Variants in ARID1B observed in about 807,000 individuals in gnomAD.
ARID1B encodes the protein AT-rich interaction domain 1B.
In ARID1B, 30 loss-of-function variants were observed where a neutral mutation model predicts 212.3. The observed-to-expected ratio is 0.14, with a 90% confidence interval of 0.11 to 0.19. The LOEUF is 0.19. ARID1B is among the 10% of genes least tolerant of loss of function. ARID1B has a pLI of 1.00. For synonymous variants in ARID1B, 1,402 were observed against 1,301.7 expected, an observed-to-expected ratio of 1.08 and a Z score of -1.66; for missense variants, 2,891 against 3,204.0, an observed-to-expected ratio of 0.90 and a Z score of 2.36.
intron 1 of ARID1B, among the ~76,000 whole-genome samples, chr6:156,790,931 TTATC>T (rs1441445128): frequency 6.6e-6 from 1 of 152,256 alleles, no homozygotes; most frequent in Non-Finnish European, 1.5e-5. Context: ...GTTTTGTGTT[TTATC>T]TTTTATTATG....
intron 9 of ARID1B, among the ~76,000 whole-genome samples, chr6:157,171,384 G>A (rs923714705): frequency 4.6e-5 from 7 of 152,188 alleles, no homozygotes; most frequent in East Asian, 1.9e-4. Context: ...GATTTAACAC[G>A]TCCTTGTAAT....
intron 1 of ARID1B, among the ~76,000 whole-genome samples, chr6:156,798,169 C>G (rs1329234231): frequency 6.6e-6 from 1 of 152,272 alleles, no homozygotes; most frequent in East Asian, 1.9e-4. Flanking sequence ...GAGGGTGGAG[C>G]GCCTGCGCCT....
intron 2 of ARID1B, among the ~76,000 whole-genome samples, chr6:156,853,118 C>T (rs1784689758): frequency 6.6e-6 from 1 of 152,166 alleles, no homozygotes; most frequent in African/African-American, 2.4e-5. Context: ...TCTTACAGTG[C>T]TTAAGGACTG....
intron 5 of ARID1B, among the ~76,000 whole-genome samples, chr6:157,107,553 C>T (rs1235247183): frequency 2.6e-5 from 4 of 152,116 alleles, no homozygotes; most frequent in South Asian, 2.1e-4. Flanking sequence ...CAGTTCTGCA[C>T]CTAAATTGTG....
chr6:156,851,295 T>C (rs1784565766), intron 2 of ARID1B, among the ~76,000 whole-genome samples: 1 of 152,264 alleles, frequency 6.6e-6, no homozygotes, highest in African/African-American at 2.4e-5. Flanking sequence ...CATTCAGTCG[T>C]GAAGGGTTCA....
chr6:156,981,064 A>G (rs957297968), intron 4 of ARID1B, among the ~76,000 whole-genome samples: 2 of 152,192 alleles, frequency 1.3e-5, no homozygotes, highest in Non-Finnish European at 2.9e-5. Context: ...CTTAGCAAAA[A>G]CTGGAAAGGT....
intron 7 of ARID1B, among the ~76,000 whole-genome samples, chr6:157,144,197 C>A (rs2128618575): frequency 6.6e-6 from 1 of 152,282 alleles, no homozygotes; most frequent in East Asian, 1.9e-4. Context: ...GCCCTTGACT[C>A]CCAGTTAAAC....
chr6:156,941,867 A>G (rs1792699057), intron 4 of ARID1B: 1 of 152,248 alleles, frequency 6.6e-6, no homozygotes, highest in Non-Finnish European at 1.5e-5. Flanking sequence ...GTTTGCTTTT[A>G]AATAATTCAG....
chr6:156,972,601 G>A (rs114008064), intron 4 of ARID1B, among the ~76,000 whole-genome samples: 2,941 of 152,304 alleles, frequency 0.019, 79 homozygotes, highest in African/African-American at 0.065. Flanking sequence ...CCATAAGCAC[G>A]TAATGCTTTT....
intron 12 of ARID1B, 142 bp downstream of exon 12, chr6:157,181,320 C>T (rs893752547): frequency 2.0e-5 from 21 of 1,046,446 alleles, no homozygotes; most frequent in Admixed American, 1.5e-4. Context: ...TTGCAACCCA[C>T]GTCTGTGTGC....
intron 2 of ARID1B, among the ~76,000 whole-genome samples, chr6:156,857,029 A>G (rs1419438810): frequency 6.6e-6 from 1 of 152,152 alleles, no homozygotes; most frequent in Non-Finnish European, 1.5e-5. Context: ...GGGATTCAGG[A>G]AAATTTACAT....
intron 3 of ARID1B, among the ~76,000 whole-genome samples, chr6:156,929,361 T>C (rs1362730095): frequency 1.3e-5 from 2 of 152,182 alleles, no homozygotes; most frequent in Non-Finnish European, 2.9e-5. Context: ...GTCAATAATA[T>C]GCCAAATGTC....
At chr6:156,964,995 A>G (rs575705076) in intron 4 of ARID1B, among the ~76,000 whole-genome samples, 4 of 152,366 alleles carry the variant, frequency 2.6e-5, no homozygotes, top group Non-Finnish European at 5.9e-5. Flanking sequence ...TTAGCTTTTC[A>G]ATTGTAAGAC....
chr6:157,022,056 G>C (rs1316891376), intron 4 of ARID1B, among the ~76,000 whole-genome samples: 1 of 152,220 alleles, frequency 6.6e-6, no homozygotes, highest in Non-Finnish European at 1.5e-5. Flanking sequence ...ATTAAAACGA[G>C]TGGCTGACGG....
chr6:156,954,003 C>G (rs1317539531), intron 4 of ARID1B, among the ~76,000 whole-genome samples: 2 of 151,400 alleles, frequency 1.3e-5, no homozygotes, highest in African/African-American at 4.9e-5. Flanking sequence ...GCTTTTTTTT[C>G]TCTTTTGGTT....
At chr6:156,902,058 G>A (rs1305946397) in intron 3 of ARID1B, 1 of 155,110 alleles carries the variant, frequency 6.4e-6, no homozygotes, top group African/African-American at 2.4e-5. Flanking sequence ...TTGGAATCAT[G>A]TACTTTAAAT....
In ARID1B at chr6:157,200,485, C is replaced by T. The variant is rs1406959902; in HGVS notation, c.4480-220C>T. 2.6e-5 allele frequency among the ~76,000 whole-genome samples: 4 copies of T among 151,928 alleles called. No homozygotes were observed. The highest frequency in any genetic ancestry group is 2.1e-4 in the South Asian group (1 of 4,808). On this transcript the variant is annotated intron_variant, in intron 17 of 19. Coordinates refer to ENST00000636930, the MANE Select transcript of ARID1B (RefSeq NM_001374828.1). The surrounding 1 kb of genome is among the most constrained non-coding windows in gnomAD (Gnocchi z 4.3). The stretch of plus-strand genomic sequence containing the variant: ...TTTTTTCCACAGGAAGTTTCAAACA[C>T]GTGAAAACAAACTTTGGATGCTCTC...
intron 4 of ARID1B, among the ~76,000 whole-genome samples, chr6:156,991,073 C>T (rs866715837): frequency 6.6e-6 from 1 of 152,184 alleles, no homozygotes; most frequent in Non-Finnish European, 1.5e-5. Flanking sequence ...TCTACTTCCT[C>T]ATGAGGCTCT....
At chr6:157,171,140 T>C (rs1349996226) in intron 9 of ARID1B, among the ~76,000 whole-genome samples, 2 of 152,244 alleles carry the variant, frequency 1.3e-5, no homozygotes, top group East Asian at 3.8e-4. Flanking sequence ...TACGTTCCTT[T>C]TGAATATATT....
Sources: gnomAD v4.1 joint callset for allele counts (sites outside exome capture counted in the v4.1 genomes callset) on GRCh38, gnomAD v4.1.1 for gene constraint, Gnocchi (gnomAD v3.1) non-coding constraint, MANE v1.5 for transcripts, NCBI Gene and HGNC (gene_info 2026-07-23, HGNC 2026-07-21) for gene names.